Variants in MOXD1 observed in about 807,000 individuals in gnomAD.
The protein encoded by MOXD1 is monooxygenase DBH like 1, also known as DBH-like monooxygenase protein 1.
MOXD1 carries 62 observed loss-of-function variants against 66.6 expected under a neutral mutation model. The observed-to-expected ratio is 0.93, with a 90% confidence interval of 0.76 to 1.15. The LOEUF (loss-of-function observed/expected upper bound fraction) is 1.15, where lower values mean the gene tolerates loss of function less well. Ranked by LOEUF, MOXD1 falls within the 50% of genes most tolerant of loss-of-function variation. The pLI, the probability that MOXD1 is intolerant of heterozygous loss-of-function variation, is 0.00. For synonymous variants in MOXD1, 303 were observed against 281.9 expected, an observed-to-expected ratio of 1.07 and a Z score of -0.75; for missense variants, 847 against 754.6, an observed-to-expected ratio of 1.12 and a Z score of -1.44.
At chr6:132,328,674 T>A in intron 4 of MOXD1, 80 bp from the exon 5 acceptor site, 2 of 1,295,722 alleles carry the variant, frequency 1.5e-6, no homozygotes, top group Non-Finnish European at 2.2e-6. Context: ...GAAACTAGCA[T>A]AAATTACTGT....
At chr6:132,308,819 A>T (rs1316276210) in intron 10 of MOXD1, among the ~76,000 whole-genome samples, 1 of 152,170 alleles carries the variant, frequency 6.6e-6, no homozygotes, top group Non-Finnish European at 1.5e-5. Flanking sequence ...AAAATTCAAC[A>T]TCCCTTCATG....
chr6:132,325,136 T>G (rs757360517), intron 6 of MOXD1: 1 of 152,168 alleles, frequency 6.6e-6, no homozygotes, highest in Non-Finnish European at 1.5e-5. Flanking sequence ...TCCTGCTTCA[T>G]GAGTTTGTAA....
chr6:132,401,113 C>G (rs1777014881), intron 1 of MOXD1, 50 bp downstream of exon 1: 2 of 1,436,748 alleles, frequency 1.4e-6, no homozygotes, highest in Non-Finnish European at 1.8e-6. Flanking sequence ...CTCTGGGGTC[C>G]GGACGGGACC....
At chr6:132,364,605 TATCTC>T (rs1776079654) in intron 4 of MOXD1, among the ~76,000 whole-genome samples, 3 of 152,284 alleles carry the variant, frequency 2.0e-5, no homozygotes, top group South Asian at 2.1e-4. Context: ...TGCACCAACT[TATCTC>T]AGTAAAGTCT....
chr6:132,319,625 TTC>T (rs1172242654), intron 9 of MOXD1, among the ~76,000 whole-genome samples: 1 of 152,052 alleles, frequency 6.6e-6, no homozygotes, highest in African/African-American at 2.4e-5. Context: ...TGTGTTTTGC[TTC>T]TTCACTTCTT....
At chr6:132,311,423 AAAT>A (rs1168817560) in intron 10 of MOXD1, among the ~76,000 whole-genome samples, 4 of 151,490 alleles carry the variant, frequency 2.6e-5, no homozygotes, top group Non-Finnish European at 5.9e-5. Flanking sequence ...ATTATAATAT[AAAT>A]AATAAATACT....
At chr6:132,353,188 T>C (rs1030832450) in intron 4 of MOXD1, among the ~76,000 whole-genome samples, 2 of 152,208 alleles carry the variant, frequency 1.3e-5, no homozygotes, top group Admixed American at 6.5e-5. Flanking sequence ...GTGCTATTTG[T>C]TGCCTGTGTA....
intron 1 of MOXD1, among the ~76,000 whole-genome samples, chr6:132,399,899 G>A (rs1180601893): frequency 6.6e-6 from 1 of 152,226 alleles, no homozygotes; most frequent in Admixed American, 6.5e-5. Flanking sequence ...TAAAGTTAAT[G>A]TCTGAGATGC....
chr6:132,351,283 T>C (rs1775797396), intron 4 of MOXD1, among the ~76,000 whole-genome samples: 2 of 152,182 alleles, frequency 1.3e-5, no homozygotes, highest in Admixed American at 6.5e-5. Flanking sequence ...GGGTTTGTCG[T>C]AGATGGCTTT....
In MOXD1 at chr6:132,328,094, C is replaced by T; in HGVS notation, c.865G>A (p.Val289Ile). The change falls in exon 6 of 12, where the codon GTT (valine) becomes ATT (isoleucine). Residue 289 changes from valine to isoleucine, a missense_variant. By Grantham distance (29) the Val-to-Ile change is conservative. Transcript: ENST00000367963. ...AATGGAGTGCCAAGGGATAATCCAACATGAGGTGGATAAGAAAAGCCCTAA... is the reference window on the plus strand; with the variant it reads ...AATGGAGTGCCAAGGGATAATCCAATATGAGGTGGATAAGAAAAGCCCTAA... ...GGEGFSYPPH[V>I]GLSLGTPLDP... is the part of the protein sequence containing the mutation. The T allele has an allele frequency of 6.2e-7, 1 of 1,613,714 alleles. No homozygotes were observed. The highest frequency in any genetic ancestry group is 8.5e-7 in the Non-Finnish European group (1 of 1,179,768).
At chr6:132,383,160 T>C (rs1022681384) in intron 1 of MOXD1, among the ~76,000 whole-genome samples, 1 of 152,204 alleles carries the variant, frequency 6.6e-6, no homozygotes, top group Non-Finnish European at 1.5e-5. Flanking sequence ...CATTTGTTTA[T>C]AATATCAATT....
chr6:132,384,772 C>T (rs1049307301), intron 1 of MOXD1, among the ~76,000 whole-genome samples: 10 of 152,130 alleles, frequency 6.6e-5, no homozygotes, highest in African/African-American at 2.4e-4. Context: ...ATTACAGTGC[C>T]CAAAGAGGTC....
rs147995428 is a variant in MOXD1 at position 132,394,315 on chromosome 6, C to T, written c.264+6848G>A. Among the ~76,000 whole-genome samples, 63 of 152,268 alleles carry T rather than the reference C, an allele frequency of 4.1e-4. 1 individual carries two copies. The highest frequency in any genetic ancestry group is 1.3e-3 in the African/African-American group (53 of 41,522). On this transcript the variant is annotated intron_variant, in intron 1 of 11. Coordinates refer to ENST00000367963, the MANE Select transcript of MOXD1 (RefSeq NM_015529.4). ...CCGTAGATAAATCTTCAAGAAATGT[C>T]ATCCCCTATGAAAGCAAATTCAAAA... is the stretch of plus-strand genomic sequence containing the variant.
In MOXD1 at chr6:132,318,515, G is replaced by T. The variant is rs113185422; in HGVS notation, c.1365+2114C>A. ...TGCTTTTGTCTTATCCTCTTTTATT[G>T]TATGCTTCTCTTCTGTTACTGACTT... On this transcript the variant is annotated intron_variant, in intron 9 of 11. Transcript: ENST00000367963. Among the ~76,000 whole-genome samples the T allele has an allele frequency of 3.0e-3, 456 of 151,950 alleles. 4 individuals carry two copies. Among genetic ancestry groups the T allele is most frequent in the Middle Eastern group, 0.027 (8 of 294 alleles).
chr6:132,329,086 G>T (rs907779748), intron 4 of MOXD1, among the ~76,000 whole-genome samples: 2 of 152,084 alleles, frequency 1.3e-5, no homozygotes, highest in African/African-American at 2.4e-5. Context: ...TTTACATGAG[G>T]TATATCTCCT....
intron 4 of MOXD1, among the ~76,000 whole-genome samples, chr6:132,350,270 A>C (rs1054948386): frequency 1.2e-4 from 18 of 152,350 alleles, no homozygotes; most frequent in African/African-American, 3.1e-4. Flanking sequence ...CTTAGATTTA[A>C]GTCCTTAATC....
chr6:132,343,679 A>G (rs1775610580), intron 4 of MOXD1, among the ~76,000 whole-genome samples: 1 of 152,212 alleles, frequency 6.6e-6, no homozygotes, highest in African/African-American at 2.4e-5. Context: ...AACAACAATG[A>G]CATACCTATC....
intron 4 of MOXD1, among the ~76,000 whole-genome samples, chr6:132,349,422 CATATATAT>C (rs1298306384): frequency 5.4e-5 from 2 of 36,946 alleles, no homozygotes; most frequent in Non-Finnish European, 9.9e-5. Flanking sequence ...TATATATATA[CATATATAT>C]ATATACATAT....
chr6:132,323,017 G>C, intron 7 of MOXD1, 147 bp from the exon 8 acceptor site: 1 of 769,274 alleles, frequency 1.3e-6, no homozygotes, highest in East Asian at 2.9e-5. Flanking sequence ...TTTGAATTCG[G>C]ATTGTTCAGT....
Sources: gnomAD v4.1 joint callset for allele counts (sites outside exome capture counted in the v4.1 genomes callset) on GRCh38, gnomAD v4.1.1 for gene constraint, MANE v1.5 for transcripts, NCBI Gene and HGNC (gene_info 2026-07-23, HGNC 2026-07-21) for gene names.